SEC62: variants seen among roughly 807,000 people sequenced by gnomAD.
The protein encoded by SEC62 is SEC62 preprotein translocation factor.
A neutral mutation model predicts 47.5 loss-of-function variants in SEC62; 10 were observed. That is an observed-to-expected ratio of 0.21 (90% CI 0.13 to 0.36). The LOEUF (loss-of-function observed/expected upper bound fraction) is 0.36, where lower values mean the gene tolerates loss of function less well. Ranked by LOEUF, SEC62 falls within the 10% of genes least tolerant of loss-of-function variation. The pLI is 1.00. For synonymous variants in SEC62, 136 were observed against 150.5 expected (o/e 0.90, Z 0.71); for missense variants, 327 against 464.1 (o/e 0.70, Z 2.71).
At chr3:169,975,070 CAGG>C (rs2108281285) in intron 1 of SEC62, among the ~76,000 whole-genome samples, 1 of 152,232 alleles carries the variant, frequency 6.6e-6, no homozygotes, top group Admixed American at 6.5e-5. Flanking sequence ...CACTTGAGGT[CAGG>C]AGTTCAAGAC....
Position 169,996,544 on chromosome 3 carries a change from C to T in SEC62, c.*3481C>T, listed in dbSNP as rs893526171. The T allele has an allele frequency of 6.6e-6, 1 of 152,584 alleles. No homozygotes were observed. Among genetic ancestry groups the T allele is most frequent in the South Asian group, 2.1e-4 (1 of 4,830 alleles). The allele number at this position is 152,584 out of a possible 1,614,324, so 9.5% of individuals were successfully genotyped here. A position where few individuals can be genotyped will look rare whatever the true frequency, so the allele number is the denominator to read the frequency against. ...TTTTCCCCTCCAGCTCCACTCTGCT[C>T]TTGCCCACAAAGCTGACCCGAATGG... On this transcript the variant is annotated 3_prime_UTR_variant, in exon 8 of 8. Transcript: ENST00000337002.
At chr3:169,975,801 G>T (rs887480168) in intron 2 of SEC62, 85 bp downstream of exon 2, 26 of 862,998 alleles carry the variant, frequency 3.0e-5, no homozygotes, top group African/African-American at 2.7e-4. Context: ...TTTTAAAAGT[G>T]CTTTCCAAAT....
chr3:169,990,948 A>C (rs1375282461), intron 7 of SEC62, among the ~76,000 whole-genome samples: 1 of 152,234 alleles, frequency 6.6e-6, no homozygotes, highest in Non-Finnish European at 1.5e-5. Context: ...AAAGAAAACA[A>C]AAACCAAAAC....
At chr3:169,986,967 C>T (rs554297418) in intron 6 of SEC62, among the ~76,000 whole-genome samples, 4 of 151,684 alleles carry the variant, frequency 2.6e-5, no homozygotes, top group Non-Finnish European at 4.4e-5. Context: ...GCACTTGCCT[C>T]GTTGTCCCAA....
At chr3:169,990,296 AAT>A (rs1350767263) in intron 7 of SEC62, among the ~76,000 whole-genome samples, 2 of 151,706 alleles carry the variant, frequency 1.3e-5, no homozygotes, top group Non-Finnish European at 2.9e-5. Context: ...AGGGTCTTGA[AAT>A]ATTATGTATT....
At chr3:169,971,918 T>C (rs1473005963) in intron 1 of SEC62, among the ~76,000 whole-genome samples, 1 of 152,246 alleles carries the variant, frequency 6.6e-6, no homozygotes, top group Non-Finnish European at 1.5e-5. Context: ...ACATTTCCTT[T>C]CTGTTGATAA....
rs1035516433 is a variant in SEC62, at chr3:169,993,484, A to G, written c.*421A>G. 1 of 156,418 alleles carries G rather than the reference A, an allele frequency of 6.4e-6. No homozygotes were observed. The highest frequency in any genetic ancestry group is 2.4e-5 in the African/African-American group (1 of 41,504). The allele number at this position is 156,418 out of a possible 1,614,324, so 9.7% of individuals were successfully genotyped here. On this transcript the variant is annotated 3_prime_UTR_variant, in exon 8 of 8. Transcript: ENST00000337002. ...GTAGCCATTTCACAGTTTCTTTAAG[A>G]TGTGTAAACTCATTGTCCTTGATAG...
intron 1 of SEC62, among the ~76,000 whole-genome samples, chr3:169,967,731 G>A (rs1321727034): frequency 6.6e-6 from 1 of 152,164 alleles, no homozygotes; most frequent in East Asian, 1.9e-4. Context: ...CTCATCAGCT[G>A]ATGTGCTGAG....
chr3:169,972,484 G>C (rs572623772), intron 1 of SEC62, among the ~76,000 whole-genome samples: 1 of 151,912 alleles, frequency 6.6e-6, no homozygotes, highest in African/African-American at 2.4e-5. Context: ...GCATGATCTT[G>C]GTTCACTGCA....
At chr3:169,976,263 G>A (rs553092503) in intron 2 of SEC62, among the ~76,000 whole-genome samples, 8 of 152,106 alleles carry the variant, frequency 5.3e-5, no homozygotes, top group Non-Finnish European at 8.8e-5. Context: ...GATGGCATGC[G>A]CCTCTGAAGT....
intron 7 of SEC62, among the ~76,000 whole-genome samples, chr3:169,990,661 G>A (rs1715229541): frequency 6.6e-6 from 1 of 152,216 alleles, no homozygotes; most frequent in Non-Finnish European, 1.5e-5. Flanking sequence ...AGAAAAAAAT[G>A]TACAGCCTCC....
At chr3:169,976,008 G>A (rs1714826340) in intron 2 of SEC62, among the ~76,000 whole-genome samples, 1 of 152,134 alleles carries the variant, frequency 6.6e-6, no homozygotes, top group Admixed American at 6.5e-5. Context: ...TAAGAGCACT[G>A]GCTTTTTTTC....
At chr3:169,967,579 T>G (rs1242940469) in intron 1 of SEC62, among the ~76,000 whole-genome samples, 2 of 152,166 alleles carry the variant, frequency 1.3e-5, no homozygotes, top group East Asian at 3.9e-4. Context: ...GTCATCCTCG[T>G]AGTAACGTAC....
chr3:169,969,701 CTCTT>C lies in SEC62; in HGVS notation c.36+2847_36+2850del, dbSNP rs199600308. On this transcript the variant is annotated intron_variant, in intron 1 of 7. Transcript: ENST00000337002. ...AGGTCTTCTGATTCCCAACTGAATACTCTTTCTGTCTCACAATAGATAAAAAATA... is the reference window on the plus strand; with the variant it reads ...AGGTCTTCTGATTCCCAACTGAATACTCTGTCTCACAATAGATAAAAAATA... Among the ~76,000 whole-genome samples the C allele has an allele frequency of 4.5e-3, 689 of 152,314 alleles. 20 individuals carry two copies. The highest frequency in any genetic ancestry group is 0.041 in the Admixed American group (632 of 15,308).
chr3:169,968,929 C>T (rs1176888762), intron 1 of SEC62, among the ~76,000 whole-genome samples: 4 of 152,164 alleles, frequency 2.6e-5, no homozygotes, highest in Non-Finnish European at 5.9e-5. Flanking sequence ...TAGAGTACTA[C>T]TTTCATGCAG....
chr3:169,986,428 A>T (rs1245046043), intron 6 of SEC62, among the ~76,000 whole-genome samples: 1 of 152,168 alleles, frequency 6.6e-6, no homozygotes, highest in Non-Finnish European at 1.5e-5. Context: ...TATCTTTCAA[A>T]TTCAAAATGC....
chr3:169,977,384 T>C (rs1461723906), intron 3 of SEC62, among the ~76,000 whole-genome samples: 1 of 152,156 alleles, frequency 6.6e-6, no homozygotes, highest in Non-Finnish European at 1.5e-5. Flanking sequence ...TTTTCAAAAC[T>C]TTTGCAGGAA....
Position 169,993,324 on chromosome 3 carries a change from A to G in SEC62, c.*261A>G, listed in dbSNP as rs1715292861. ...GTCTCATTCATTTTGACAGTTATCA[A>G]AGATGTACTTTCCACAGTTAAATTT... On this transcript the variant is annotated 3_prime_UTR_variant, in exon 8 of 8. Coordinates refer to ENST00000337002, the MANE Select transcript of SEC62 (RefSeq NM_003262.4). 9.1e-6 allele frequency: 3 copies of G among 330,246 alleles called. No homozygotes were observed. The highest frequency in any genetic ancestry group is 4.5e-5 in the Admixed American group (1 of 22,038). The allele number at this position is 330,246 out of a possible 1,614,324, so 20.5% of individuals were successfully genotyped here.
chr3:169,979,006 C>CT (rs1256138179), intron 3 of SEC62, among the ~76,000 whole-genome samples: 1 of 152,184 alleles, frequency 6.6e-6, no homozygotes, highest in Non-Finnish European at 1.5e-5. Context: ...GCCCAAATCT[C>CT]TGAGTAGAGC....
Sources: allele counts gnomAD v4.1 joint callset (sites outside exome capture counted in the v4.1 genomes callset), GRCh38; gene constraint gnomAD v4.1.1; transcripts MANE v1.5; gene names NCBI Gene and HGNC (gene_info 2026-07-23, HGNC 2026-07-21).